The following CDC42BPA variants were observed in gnomAD, a reference collection of about 807,000 sequenced individuals.
The protein encoded by CDC42BPA is CDC42 binding protein kinase alpha.
In CDC42BPA, 80 loss-of-function variants were observed where a neutral mutation model predicts 223.5. The observed-to-expected ratio is 0.36, with a 90% CI of 0.30 to 0.43. The LOEUF (loss-of-function observed/expected upper bound fraction) is 0.43. Ranked by LOEUF, CDC42BPA falls within the 20% of genes least tolerant of loss-of-function variation. CDC42BPA has a pLI of 1.00. For missense variants in CDC42BPA, 1,743 were observed against 2,099.9 expected (o/e 0.83, Z 3.32); for synonymous variants, 694 against 718.6 (o/e 0.97, Z 0.55).
chr1:227,049,790 T>C (rs188620102), intron 22 of CDC42BPA, among the ~76,000 whole-genome samples: 33 of 152,242 alleles, frequency 2.2e-4, no homozygotes, highest in African/African-American at 7.5e-4. Context: ...GGGGGAAATA[T>C]AGCAGGGTCA....
At chr1:227,147,796 G>T (rs530248371) in intron 6 of CDC42BPA, among the ~76,000 whole-genome samples, 42 of 151,848 alleles carry the variant, frequency 2.8e-4, no homozygotes, top group Middle Eastern at 3.4e-3. Context: ...ATGACATTGA[G>T]AGGAACAATT....
intron 1 of CDC42BPA, among the ~76,000 whole-genome samples, chr1:227,314,619 G>C (rs67723257): frequency 0.31 from 46,542 of 151,616 alleles, 7,309 homozygotes; most frequent in East Asian, 0.37. Context: ...TTGGCTGACT[G>C]TACTTTAAGA....
intron 2 of CDC42BPA, among the ~76,000 whole-genome samples, chr1:227,250,732 T>C (rs1437455960): frequency 6.6e-6 from 1 of 151,920 alleles, no homozygotes; most frequent in Non-Finnish European, 1.5e-5. Context: ...TCAGATAATT[T>C]GTTATCAGCA....
At chr1:227,252,052 G>A (rs887073128) in intron 2 of CDC42BPA, among the ~76,000 whole-genome samples, 1 of 151,858 alleles carries the variant, frequency 6.6e-6, no homozygotes, top group Non-Finnish European at 1.5e-5. Context: ...ATGCTTAGAG[G>A]AAAACATATA....
rs1360302912 is a variant in CDC42BPA, at chr1:227,040,255, A to C, written c.3094-19T>G. On this transcript the variant is annotated intron_variant, in intron 23 of 36. Coordinates refer to ENST00000366766, the MANE Select transcript of CDC42BPA (RefSeq NM_001394014.1). ...TCTTGCGCTGCAAAACAAATTGATA[A>C]AAAAACACACAGATTGTTTAAAAGA... 6.9e-7 allele frequency: 1 copy of C among 1,438,866 alleles called. No individual in the cohort carries two copies. The highest frequency in any genetic ancestry group is 9.8e-7 in the Non-Finnish European group (1 of 1,021,218). The allele number at this position is 1,438,866 out of a possible 1,614,324, so 89.1% of individuals were successfully genotyped here.
At chr1:227,162,088 G>A (rs192107551) in intron 5 of CDC42BPA, among the ~76,000 whole-genome samples, 58 of 152,118 alleles carry the variant, frequency 3.8e-4, no homozygotes, top group African/African-American at 1.3e-3. Flanking sequence ...CAGTCACTAC[G>A]AATTACTTCT....
At chr1:227,312,806 G>C (rs139532043) in intron 1 of CDC42BPA, among the ~76,000 whole-genome samples, 1 of 151,724 alleles carries the variant, frequency 6.6e-6, no homozygotes, top group South Asian at 2.1e-4. Flanking sequence ...TGTTGTGATA[G>C]TGAGTGAGTT....
Position 227,308,767 on chromosome 1 carries a change from G to GAAA in CDC42BPA, c.178+8237_178+8238insTTT, listed in dbSNP as rs1273167745. 1.3e-3 allele frequency among the ~76,000 whole-genome samples: 193 copies of GAAA among 152,206 alleles called. 2 individuals are homozygous for GAAA. Among genetic ancestry groups the GAAA allele is most frequent in the African/African-American group, 4.3e-3 (177 of 41,528 alleles). Reference sequence around the variant, plus strand: ...TTTAGAACAGAAACATTTCAGGTTAGGTGTTCTACTTGTAGATATTCACCA... The same window carrying GAAA: ...TTTAGAACAGAAACATTTCAGGTTAGAAAGTGTTCTACTTGTAGATATTCACCA... On this transcript the variant is annotated intron_variant, in intron 1 of 36. Coordinates refer to ENST00000366766, the MANE Select transcript of CDC42BPA (RefSeq NM_001394014.1).
At position 227,017,068 on chromosome 1, in the gene CDC42BPA, C is replaced by T. The variant is rs1431898584; in HGVS notation, c.4616-18G>A. On this transcript the variant is annotated intron_variant, in intron 32 of 36. Coordinates refer to ENST00000366766, the MANE Select transcript of CDC42BPA (RefSeq NM_001394014.1). ...GTCCCCTTCTGTTAAAATAAAAATA[C>T]AAACGATAATGATGTTCTTTAAACT... 8 of 1,603,318 alleles carry T rather than the reference C, an allele frequency of 5.0e-6. No homozygotes were observed. The highest frequency in any genetic ancestry group is 6.8e-6 in the Non-Finnish European group (8 of 1,174,826).
chr1:227,192,537 C>T (rs976653584), intron 5 of CDC42BPA, among the ~76,000 whole-genome samples: 11 of 152,190 alleles, frequency 7.2e-5, no homozygotes, highest in African/African-American at 1.9e-4. Context: ...TATCCCTTTA[C>T]GTACTTCTCC....
At chr1:227,297,940 ATGTGTG>A (rs151032239) in intron 1 of CDC42BPA, among the ~76,000 whole-genome samples, 1 of 87,264 alleles carries the variant, frequency 1.1e-5, no homozygotes, top group African/African-American at 3.6e-5. Context: ...ATTTTGTTTT[ATGTGTG>A]TGTGTGTGTA....
chr1:227,001,452 T>C (rs1051108130), intron 35 of CDC42BPA, among the ~76,000 whole-genome samples: 2 of 152,226 alleles, frequency 1.3e-5, no homozygotes, highest in Non-Finnish European at 2.9e-5. Context: ...AGCAGTGATA[T>C]GGGAGCCTCA....
At chr1:227,211,233 A>G (rs558174175) in intron 3 of CDC42BPA, among the ~76,000 whole-genome samples, 1 of 152,270 alleles carries the variant, frequency 6.6e-6, no homozygotes, top group South Asian at 2.1e-4. Context: ...GCTCCCAGAT[A>G]CTTTGTCAAA....
intron 1 of CDC42BPA, among the ~76,000 whole-genome samples, chr1:227,298,356 A>C (rs1235540976): frequency 1.3e-5 from 2 of 151,768 alleles, no homozygotes; most frequent in Non-Finnish European, 2.9e-5. Flanking sequence ...AACTTGAGGC[A>C]TTTTTTTTGT....
chr1:227,040,015 T>C (rs1007178496), intron 24 of CDC42BPA, 116 bp downstream of exon 24: 7 of 708,654 alleles, frequency 9.9e-6, no homozygotes, highest in Non-Finnish European at 1.7e-5. Flanking sequence ...ATTCCTGTTA[T>C]GCAAAAAAGC....
At chr1:227,080,813 T>G (rs1680474593) in intron 17 of CDC42BPA, 80 bp downstream of exon 17, 6 of 1,492,374 alleles carry the variant, frequency 4.0e-6, no homozygotes, top group Non-Finnish European at 5.6e-6. Flanking sequence ...AAAACCATTA[T>G]TAGTAGCCAC....
At chr1:227,126,342 G>A (rs186628533) in intron 11 of CDC42BPA, among the ~76,000 whole-genome samples, 1 of 152,150 alleles carries the variant, frequency 6.6e-6, no homozygotes, top group African/African-American at 2.4e-5. Flanking sequence ...CTGACTGCAA[G>A]GTTGCTTCAG....
intron 12 of CDC42BPA, among the ~76,000 whole-genome samples, chr1:227,118,850 C>A (rs1688182039): frequency 6.6e-6 from 1 of 151,898 alleles, no homozygotes; most frequent in African/African-American, 2.4e-5. Context: ...TTAAATGGAC[C>A]TATACAAAAA....
intron 1 of CDC42BPA, among the ~76,000 whole-genome samples, chr1:227,297,270 A>T (rs1690808947): frequency 6.6e-6 from 1 of 152,204 alleles, no homozygotes; most frequent in Admixed American, 6.5e-5. Context: ...ATGACTAATC[A>T]AAAAACAGAA....
Sources: allele counts gnomAD v4.1 joint callset (sites outside exome capture counted in the v4.1 genomes callset), GRCh38; gene constraint gnomAD v4.1.1; transcripts MANE v1.5; gene names NCBI Gene and HGNC (gene_info 2026-07-23, HGNC 2026-07-21).